CYC1: variants seen among roughly 807,000 people sequenced by gnomAD.
CYC1 encodes the protein cytochrome c1, also known as cytochrome c1, heme protein, mitochondrial.
Under a neutral mutation model 33.8 loss-of-function variants are expected in CYC1, and 10 were observed. The ratio of observed to expected loss-of-function variants is 0.30; its 90% CI spans 0.18 to 0.50. CYC1 has a LOEUF of 0.50. CYC1 is among the 20% of genes least tolerant of loss of function. The pLI is 0.98. For missense variants in CYC1, 459 were observed against 437.6 expected (o/e 1.05, Z -0.44); for synonymous variants, 224 against 181.9 (o/e 1.23, Z -1.86).
Position 144,095,141 on chromosome 8 carries a change from C to T in CYC1, c.42C>T (p.Gly14=), listed in dbSNP as rs1564309710. 8.3e-7 allele frequency: 1 copy of T among 1,210,822 alleles called. No individual in the cohort carries two copies. The highest frequency in any genetic ancestry group is 1.0e-6 in the Non-Finnish European group (1 of 973,358). 75.0% of individuals were successfully genotyped at this position (1,210,822 alleles called of 1,614,324 possible). ...AAASLRGVVL[G]PRGAGLPGAR... is the part of the protein sequence containing the mutation. ...CTTCGCTTCGCGGGGTAGTGTTGGGCCCGCGGGGCGCGGGGCTCCCGGGCG... is the reference window on the plus strand; with the variant it reads ...CTTCGCTTCGCGGGGTAGTGTTGGGTCCGCGGGGCGCGGGGCTCCCGGGCG... Residue 14 remains glycine (G), a synonymous_variant, in exon 1 of 7, where the codon GGC becomes GGT. Coordinates refer to ENST00000318911, the MANE Select transcript of CYC1 (RefSeq NM_001916.5).
rs1167255250 is a variant in CYC1 at position 144,096,226 on chromosome 8, T to A, written c.429T>A (p.Asp143Glu). Residue 143 changes from aspartate to glutamate, a missense_variant, in exon 3 of 7, where the codon GAT becomes GAA. Transcript: ENST00000318911. ...TGGTGGGCGTGTGCTACACGGAGGA[T>A]GAAGCTAAGGAGCTGGCTGCGGAGG... ...RHLVGVCYTE[D>E]EAKELAAEVE... 1 of 1,613,942 alleles carries A rather than the reference T, an allele frequency of 6.2e-7. No homozygotes were observed. Among genetic ancestry groups the A allele is most frequent in the Admixed American group, 1.7e-5 (1 of 59,996 alleles).
In CYC1 at chr8:144,096,254, T is replaced by C; in HGVS notation, c.453+4T>C. 1 of 1,613,532 alleles carries C rather than the reference T, an allele frequency of 6.2e-7. No individual in the cohort carries two copies. ...AGCTAAGGAGCTGGCTGCGGAGGTG[T>C]GGGGTCTGGGGATGCCTGGGACCCA... On this transcript the variant is annotated splice_donor_region_variant and intron_variant, in intron 3 of 6. Transcript: ENST00000318911.
At chr8:144,095,563 C>A (rs191637379) in intron 1 of CYC1, 3 of 530,438 alleles carry the variant, frequency 5.7e-6, no homozygotes, top group African/African-American at 4.0e-5. Flanking sequence ...AGCCTGATCT[C>A]GGCCAGCTGC....
At position 144,096,200 on chromosome 8, in the gene CYC1, C is replaced by T. The variant is rs759668497; in HGVS notation, c.403C>T (p.Leu135=). Residue 135 remains leucine, a synonymous_variant, in exon 3 of 7, where the codon CTG becomes TTG. Transcript: ENST00000318911. ...CATGGACTTCGTGGCCTACCGCCAC[C>T]TGGTGGGCGTGTGCTACACGGAGGA... ...HSMDFVAYRH[L]VGVCYTEDEA... The T allele has an allele frequency of 1.2e-5, 20 of 1,613,972 alleles. No homozygotes were observed. Among genetic ancestry groups the T allele is most frequent in the African/African-American group, 2.7e-5 (2 of 74,914 alleles).
rs752269018 is a variant in CYC1, at chr8:144,096,358, A to C, written c.475A>C (p.Asn159His). 6.2e-7 allele frequency: 1 copy of C among 1,613,780 alleles called. No individual in the cohort carries two copies. The highest frequency in any genetic ancestry group is 1.7e-5 in the Admixed American group (1 of 60,002). ...AAEVEVQDGP[N>H]EDGEMFMRPG... is the part of the protein sequence containing the mutation. ...GCAGGTGGAGGTTCAAGACGGCCCCAATGAAGATGGGGAGATGTTCATGCG... is the reference window on the plus strand; with the variant it reads ...GCAGGTGGAGGTTCAAGACGGCCCCCATGAAGATGGGGAGATGTTCATGCG... Residue 159 changes from asparagine (N) to histidine (H), a missense_variant, in exon 4 of 7, where the codon AAT becomes CAT. By Grantham distance (68) the Asn-to-His change is moderately conservative. Coordinates refer to ENST00000318911, the MANE Select transcript of CYC1 (RefSeq NM_001916.5).
At chr8:144,096,102 C>CT in intron 2 of CYC1, 22 bp from the exon 3 acceptor site, 2 of 1,610,040 alleles carry the variant, frequency 1.2e-6, no homozygotes, top group Non-Finnish European at 1.7e-6. Flanking sequence ...TTCAGCTTTC[C>CT]TAACCCTTTC....
Position 144,096,594 on chromosome 8 carries a change from G to A in CYC1, c.622G>A (p.Glu208Lys). The A allele has an allele frequency of 6.2e-7, 1 of 1,614,080 alleles. No individual in the cohort carries two copies. Among genetic ancestry groups the A allele is most frequent in the Non-Finnish European group, 8.5e-7 (1 of 1,179,998 alleles). ...SYIVRARHGGEDYVFSLLTGY... is the reference protein window; with the variant it reads ...SYIVRARHGGKDYVFSLLTGY... Reference sequence around the variant, plus strand: ...TGGATCTGGTCCTAGGCATGGTGGTGAGGACTACGTCTTCTCCCTGCTCAC... The same window carrying A: ...TGGATCTGGTCCTAGGCATGGTGGTAAGGACTACGTCTTCTCCCTGCTCAC... The change falls in exon 5 of 7, where the codon GAG becomes AAG. Residue 208 changes from glutamate to lysine, a missense_variant. Physicochemically the swap from Glu to Lys is moderately conservative, Grantham distance 56 (BLOSUM62 1). Coordinates refer to ENST00000318911, the MANE Select transcript of CYC1 (RefSeq NM_001916.5).
At position 144,096,159 on chromosome 8, in the gene CYC1, G is replaced by C; in HGVS notation, c.362G>C (p.Cys121Ser). ...GGTTTCCAGGTATATAAGCAGGTGT[G>C]CGCCTCCTGCCACAGCATGGACTTC... ...RRGFQVYKQVCASCHSMDFVA... is the reference protein window; with the variant it reads ...RRGFQVYKQVSASCHSMDFVA... Residue 121 changes from cysteine (C) to serine (S), a missense_variant, in exon 3 of 7, where the codon TGC (cysteine) becomes TCC (serine). Coordinates refer to ENST00000318911, the MANE Select transcript of CYC1 (RefSeq NM_001916.5). 6.2e-7 allele frequency: 1 copy of C among 1,613,832 alleles called. No homozygotes were observed. The highest frequency in any genetic ancestry group is 8.5e-7 in the Non-Finnish European group (1 of 1,179,914).
chr8:144,097,405 T>A lies in CYC1; in HGVS notation c.*69T>A. On this transcript the variant is annotated 3_prime_UTR_variant, in exon 7 of 7. Coordinates refer to ENST00000318911, the MANE Select transcript of CYC1 (RefSeq NM_001916.5). ...AAGCCCAAGAGCCATCCCAGGCCTGTTCAGGCCTCAGCTAAGCCTCTCTTC... is the reference window on the plus strand; with the variant it reads ...AAGCCCAAGAGCCATCCCAGGCCTGATCAGGCCTCAGCTAAGCCTCTCTTC... 7.5e-7 allele frequency: 1 copy of A among 1,329,586 alleles called. No homozygotes were observed. Among genetic ancestry groups the A allele is most frequent in the Non-Finnish European group, 1.1e-6 (1 of 932,874 alleles). 82.4% of individuals were successfully genotyped at this position (1,329,586 alleles called of 1,614,324 possible). A position where few individuals can be genotyped will look rare whatever the true frequency, so the allele number is the denominator to read the frequency against.
intron 5 of CYC1, 99 bp downstream of exon 5, chr8:144,096,843 C>A: frequency 7.0e-7 from 1 of 1,422,292 alleles, no homozygotes; most frequent in Non-Finnish European, 9.7e-7. Context: ...GTCCTGCCCA[C>A]TTCTTGTCTG....
At position 144,096,331 on chromosome 8, in the gene CYC1, T is replaced by G; in HGVS notation, c.454-6T>G. ...GGCAGGGTTGTGATGAGGCTCTCGG[T>G]GGCAGGTGGAGGTTCAAGACGGCCC... On this transcript the variant is annotated splice_region_variant and splice_polypyrimidine_tract_variant and intron_variant, in intron 3 of 6. Transcript: ENST00000318911. 6.2e-7 allele frequency: 1 copy of G among 1,613,180 alleles called. No homozygotes were observed. Among genetic ancestry groups the G allele is most frequent in the South Asian group, 1.1e-5 (1 of 91,046 alleles).
chr8:144,097,250 C>G lies in CYC1; in HGVS notation c.892C>G (p.Leu298Val). 1 of 1,614,142 alleles carries G rather than the reference C, an allele frequency of 6.2e-7. No homozygotes were observed. Among genetic ancestry groups the G allele is most frequent in the African/African-American group, 1.3e-5 (1 of 75,036 alleles). Residue 298 changes from leucine to valine, a missense_variant, in exon 7 of 7, where the codon CTG (leucine) becomes GTG (valine). Coordinates refer to ENST00000318911, the MANE Select transcript of CYC1 (RefSeq NM_001916.5). ...TCTGCAGATGTTGATGATGATGGCT[C>G]TGCTGGTGCCCCTGGTCTACACCAT... The part of the protein sequence containing the change: ...MGLKMLMMMA[L>V]LVPLVYTIKR...
rs375851599 is a variant in CYC1, at chr8:144,097,151, G to A, written c.873+17G>A. ...GGGCTCAAGGTAAAAGGGTTGGGAG[G>A]CCATGGTGGGTATCAGAGAAGGGCT... On this transcript the variant is annotated intron_variant, in intron 6 of 6. Coordinates refer to ENST00000318911, the MANE Select transcript of CYC1 (RefSeq NM_001916.5). The A allele has an allele frequency of 8.7e-6, 14 of 1,611,542 alleles. No homozygotes were observed. In the African/African-American group the frequency reaches 1.3e-4, roughly 15 times the overall value.
At chr8:144,096,077 T>A in intron 2 of CYC1, 47 bp from the exon 3 acceptor site, 1 of 1,604,080 alleles carries the variant, frequency 6.2e-7, no homozygotes, top group Non-Finnish European at 8.5e-7. Flanking sequence ...TGGGTGGAGC[T>A]GGTAAGGTGG....
In CYC1 at chr8:144,095,907, G is replaced by A. The variant is rs1288629453; in HGVS notation, c.204G>A (p.Ala68=). 42 of 1,609,200 alleles carry A rather than the reference G, an allele frequency of 2.6e-5. No homozygotes were observed. The highest frequency in any genetic ancestry group is 3.4e-5 in the Non-Finnish European group (40 of 1,179,864). ...TGCTGTCAGCGCTGGGCATGCTGGC[G>A]GCAGGGGGTGCGGGGCTGGCCATGG... ...KVMLSALGML[A]AGGAGLAMAL... The change falls in exon 2 of 7, where the codon GCG becomes GCA. Residue 68 remains alanine, a synonymous_variant. Coordinates refer to ENST00000318911, the MANE Select transcript of CYC1 (RefSeq NM_001916.5).
At chr8:144,096,885 T>C (rs909430107) in intron 5 of CYC1, 141 bp downstream of exon 5, 1 of 1,205,296 alleles carries the variant, frequency 8.3e-7, no homozygotes, top group Admixed American at 2.0e-5. Flanking sequence ...CAGGAGGCTT[T>C]TGGGCTCCTT....
chr8:144,095,320 C>A, intron 1 of CYC1, 92 bp downstream of exon 1: 1 of 1,095,418 alleles, frequency 9.1e-7, no homozygotes, highest in Non-Finnish European at 1.1e-6. Context: ...CTGGGCAGCG[C>A]GGAAGCGGTA....
chr8:144,095,467 C>A, intron 1 of CYC1: 1 of 427,630 alleles, frequency 2.3e-6, no homozygotes. Flanking sequence ...GCTGCCGTGG[C>A]GGGGCTGGGG....
rs1197613676 is a variant in CYC1 at position 144,097,076 on chromosome 8, C to T, written c.815C>T (p.Thr272Ile). 2 of 1,611,422 alleles carry T rather than the reference C, an allele frequency of 1.2e-6. No homozygotes were observed. Among genetic ancestry groups the T allele is most frequent in the Non-Finnish European group, 1.7e-6 (2 of 1,178,720 alleles). The change falls in exon 6 of 7, where the codon ACC becomes ATC. Residue 272 changes from threonine (T) to isoleucine (I), a missense_variant. By Grantham distance (89) the Thr-to-Ile change is moderately conservative (BLOSUM62 -1). Coordinates refer to ENST00000318911, the MANE Select transcript of CYC1 (RefSeq NM_001916.5). ...TCCCAGATAGCCAAGGATGTGTGCA[C>T]CTTCCTGCGCTGGGCATCTGAGCCA... is the stretch of plus-strand genomic sequence containing the variant. Reference protein sequence around the residue: ...TMSQIAKDVCTFLRWASEPEH... With the variant: ...TMSQIAKDVCIFLRWASEPEH...
Sources: allele counts gnomAD v4.1 joint callset, GRCh38; gene constraint gnomAD v4.1.1; transcripts MANE v1.5; gene names NCBI Gene and HGNC (gene_info 2026-07-23, HGNC 2026-07-21).